PTGER3: variants seen among roughly 807,000 people sequenced by gnomAD.
The protein encoded by PTGER3 is prostaglandin E receptor 3, also known as prostaglandin E2 receptor EP3 subtype.
Under a neutral mutation model 34.7 loss-of-function variants are expected in PTGER3, and 22 were observed. That is an observed-to-expected ratio of 0.63 (90% CI 0.45 to 0.91). The LOEUF is 0.91. Ranked by LOEUF, PTGER3 falls within the 40% of genes least tolerant of loss-of-function variation. The pLI, the probability that PTGER3 is intolerant of heterozygous loss-of-function variation, is 0.00. For missense variants in PTGER3, 468 were observed against 519.4 expected, an observed-to-expected ratio of 0.90 and a Z score of 0.96; for synonymous variants, 241 against 230.1, an observed-to-expected ratio of 1.05 and a Z score of -0.43.
chr1:70,926,989 A>T (rs1419844313), intron 4 of PTGER3, among the ~76,000 whole-genome samples: 2 of 152,130 alleles, frequency 1.3e-5, no homozygotes, highest in East Asian at 3.9e-4. Flanking sequence ...ACATTTATTG[A>T]TTTGTGTATA....
At chr1:70,998,523 A>C (rs1656181960) in intron 2 of PTGER3, among the ~76,000 whole-genome samples, 1 of 152,184 alleles carries the variant, frequency 6.6e-6, no homozygotes, top group Admixed American at 6.5e-5. Flanking sequence ...TGACTAAATA[A>C]ATCAACAAAT....
intron 2 of PTGER3, chr1:71,007,767 G>A (rs1657098011): frequency 2.0e-6 from 2 of 985,222 alleles, no homozygotes; most frequent in Non-Finnish European, 2.4e-6. Context: ...TTAATGATTG[G>A]CTGTTTTTGC....
intron 1 of PTGER3, among the ~76,000 whole-genome samples, chr1:71,045,377 A>G (rs1447700390): frequency 1.3e-5 from 2 of 152,068 alleles, no homozygotes; most frequent in Non-Finnish European, 1.5e-5. Context: ...ATTAGGAAAG[A>G]AAAAAAACTG....
chr1:70,957,381 A>G (rs1651453234), intron 2 of PTGER3, among the ~76,000 whole-genome samples: 1 of 152,166 alleles, frequency 6.6e-6, no homozygotes, highest in Non-Finnish European at 1.5e-5. Context: ...CAATATAAAT[A>G]GAGCAATTTG....
rs74532911 is a variant in PTGER3 at position 71,026,450 on chromosome 1, G to A, written c.898-13966C>T. Among the ~76,000 whole-genome samples, 148 of 152,084 alleles carry A rather than the reference G, an allele frequency of 9.7e-4. 2 individuals carry two copies. The East Asian group carries it at 0.021, about 22-fold the overall frequency. On this transcript the variant is annotated intron_variant, in intron 1 of 3. Transcript: ENST00000306666. The stretch of plus-strand genomic sequence containing the variant: ...TGTTTCTTTTGTTTTTCAGGAAATC[G>A]GACTTTAAAAACTCACTTAAATAAT...
Position 70,898,380 on chromosome 1 carries a change from C to G in PTGER3, c.*24-45521G>C, listed in dbSNP as rs561466932. ...ACAGCCTGCTCATCTCTACAGACAT[C>G]ACTCCTTCTTCCTAAAATGCTCATA... On this transcript the variant is annotated intron_variant, in intron 4 of 4. Coordinates refer to the PTGER3 transcript ENST00000370931. Among the ~76,000 whole-genome samples the G allele has an allele frequency of 5.9e-5, 9 of 152,292 alleles. No individual in the cohort carries two copies. The East Asian group carries it at 1.7e-3, about 29-fold the overall frequency.
At chr1:70,904,344 C>A (rs1340076219) in intron 4 of PTGER3, among the ~76,000 whole-genome samples, 6 of 152,024 alleles carry the variant, frequency 3.9e-5, no homozygotes, top group Admixed American at 3.9e-4. Flanking sequence ...TGAAAAGATA[C>A]CTGAAAATGT....
intron 4 of PTGER3, among the ~76,000 whole-genome samples, chr1:70,944,629 G>A (rs1164691928): frequency 6.6e-6 from 1 of 152,084 alleles, no homozygotes; most frequent in African/African-American, 2.4e-5. Flanking sequence ...TCTTTGAGCT[G>A]GTGAAGTTTT....
rs138918149 is a variant in PTGER3, at chr1:70,970,850, G to A, written c.*880C>T. The A allele has an allele frequency of 1.7e-4, 161 of 929,910 alleles. No individual in the cohort carries two copies. In the East Asian group the frequency reaches 2.9e-3, roughly 17 times the overall value. The allele number at this position is 929,910 out of a possible 1,614,324, so 57.6% of individuals were successfully genotyped here. A position where few individuals can be genotyped will look rare whatever the true frequency, so the allele number is the denominator to read the frequency against. On this transcript the variant is annotated 3_prime_UTR_variant, in exon 4 of 4. Transcript: ENST00000306666. ...ATAGATTCTTTTATTTTATAAAAACGTAATAAAGTTTGTTATTCAACAACT... is the reference window on the plus strand; with the variant it reads ...ATAGATTCTTTTATTTTATAAAAACATAATAAAGTTTGTTATTCAACAACT...
At chr1:70,930,600 A>G (rs865822628) in intron 4 of PTGER3, among the ~76,000 whole-genome samples, 2 of 152,316 alleles carry the variant, frequency 1.3e-5, no homozygotes, top group Middle Eastern at 3.4e-3. Context: ...GGGGCCTCAG[A>G]ATCACAATGG....
intron 4 of PTGER3, among the ~76,000 whole-genome samples, chr1:70,888,191 G>A (rs1280357558): frequency 6.6e-6 from 1 of 152,072 alleles, no homozygotes; most frequent in Non-Finnish European, 1.5e-5. Flanking sequence ...GTTGCAATAG[G>A]CACCTCACAA....
At chr1:71,009,533 T>C in intron 2 of PTGER3, 3 of 984,898 alleles carry the variant, frequency 3.0e-6, no homozygotes, top group Non-Finnish European at 3.6e-6. Context: ...ACTGCTCTCA[T>C]TAAGTAACAT....
intron 4 of PTGER3, among the ~76,000 whole-genome samples, chr1:70,879,457 G>A (rs1364611001): frequency 6.6e-6 from 1 of 152,086 alleles, no homozygotes; most frequent in Non-Finnish European, 1.5e-5. Flanking sequence ...ATGTTGGCCA[G>A]GCTGATGGTC....
chr1:70,895,842 G>A (rs1557637747), intron 4 of PTGER3, among the ~76,000 whole-genome samples: 1 of 152,172 alleles, frequency 6.6e-6, no homozygotes, highest in Non-Finnish European at 1.5e-5. Context: ...TTGCAAAAGA[G>A]GTTTAAGCAG....
chr1:71,007,236 T>G, intron 2 of PTGER3: 2 of 985,300 alleles, frequency 2.0e-6, no homozygotes, highest in Non-Finnish European at 2.4e-6. Flanking sequence ...ATGTAAATAG[T>G]ACTTACATTC....
chr1:70,944,844 G>A (rs1650074686), intron 4 of PTGER3, among the ~76,000 whole-genome samples: 4 of 152,026 alleles, frequency 2.6e-5, no homozygotes, highest in African/African-American at 9.7e-5. Flanking sequence ...AGAGAAATTA[G>A]GTAAAAAGGG....
intron 2 of PTGER3, among the ~76,000 whole-genome samples, chr1:70,999,267 A>G (rs1656263419): frequency 6.6e-6 from 1 of 152,206 alleles, no homozygotes; most frequent in Admixed American, 6.5e-5. Flanking sequence ...AGTGATAATA[A>G]TAGAATTAGA....
chr1:70,974,496 G>GT, intron 2 of PTGER3, 108 bp from the exon 3 acceptor site: 2 of 648,204 alleles, frequency 3.1e-6, no homozygotes, highest in South Asian at 3.6e-5. Flanking sequence ...CAATATGGAT[G>GT]TTTTAGATAT....
In PTGER3 at chr1:70,974,295, A is replaced by C; in HGVS notation, c.1169+2T>G. ...TAAATCCCGGCAGTTTCTAAATCTC[A>C]CCTTTCCAAATGGTCGCTCCACATC... On this transcript the variant is annotated splice_donor_variant, in intron 3 of 3. Transcript: ENST00000306666. LOFTEE classifies it high-confidence loss of function. 1 of 1,610,894 alleles carries C rather than the reference A, an allele frequency of 6.2e-7. No homozygotes were observed. Among genetic ancestry groups the C allele is most frequent in the Non-Finnish European group, 8.5e-7 (1 of 1,177,360 alleles).
Sources: gnomAD v4.1 joint callset for allele counts (sites outside exome capture counted in the v4.1 genomes callset) on GRCh38, gnomAD v4.1.1 for gene constraint, MANE v1.5 for transcripts, NCBI Gene and HGNC (gene_info 2026-07-23, HGNC 2026-07-21) for gene names.